TENM4: variants seen among roughly 807,000 people sequenced by gnomAD.
TENM4 encodes the protein teneurin-4.
Under a neutral mutation model 243.3 loss-of-function variants are expected in TENM4, and 82 were observed. That is an observed-to-expected ratio of 0.34 (90% confidence interval 0.28 to 0.40). The LOEUF is 0.40. Among genes scored for constraint, TENM4 ranks in the 10% least tolerant of loss-of-function variants. The pLI is 1.00. For missense variants in TENM4, 3,138 were observed against 3,673.3 expected (o/e 0.85, Z 3.77); for synonymous variants, 1,412 against 1,456.3 (o/e 0.97, Z 0.69).
Position 78,722,833 on chromosome 11 carries a change from C to A in TENM4, c.3635G>T (p.Arg1212Leu). Reference sequence around the variant, plus strand: ...GCAGCTGGGGCAGGAGATGCTTCTCCGGCGCCCATTGCCCATGATGCTCCC... The same window carrying A: ...GCAGCTGGGGCAGGAGATGCTTCTCAGGCGCCCATTGCCCATGATGCTCCC... ...VIGSIMGNGRRRSISCPSCNG... is the reference protein window; with the variant it reads ...VIGSIMGNGRLRSISCPSCNG... Residue 1212 changes from arginine to leucine, a missense_variant, in exon 24 of 34, where the codon CGG (arginine) becomes CTG (leucine). Arg to Leu is a moderately radical substitution (Grantham distance 102). Coordinates refer to ENST00000278550, the MANE Select transcript of TENM4 (RefSeq NM_001098816.3). 3.1e-6 allele frequency: 5 copies of A among 1,614,028 alleles called. 1 individual carries two copies. Among genetic ancestry groups the A allele is most frequent in the Middle Eastern group, 3.3e-4 (2 of 6,062 alleles).
At position 78,774,417 on chromosome 11, in the gene TENM4, G is replaced by C. The variant is rs79152371; in HGVS notation, c.2393-3279C>G. ...GGCTCCGTGAACATGCAGTGCAGTG[G>C]GAGGCGGCATGATGGGTTCAGGGCT... is the stretch of plus-strand genomic sequence containing the variant. On this transcript the variant is annotated intron_variant, in intron 17 of 33. Coordinates refer to ENST00000278550, the MANE Select transcript of TENM4 (RefSeq NM_001098816.3). Among the ~76,000 whole-genome samples, 594 of 152,294 alleles carry C rather than the reference G, an allele frequency of 3.9e-3. 3 individuals carry two copies. Among genetic ancestry groups the C allele is most frequent in the African/African-American group, 0.014 (561 of 41,552 alleles).
At chr11:78,677,872 A>G (rs1417029610) in intron 29 of TENM4, among the ~76,000 whole-genome samples, 1 of 135,862 alleles carries the variant, frequency 7.4e-6, no homozygotes, top group Non-Finnish European at 1.6e-5. Context: ...CGCTGCACCC[A>G]CTAATGTGTC....
At chr11:78,940,757 C>T (rs1856874624) in intron 6 of TENM4, among the ~76,000 whole-genome samples, 1 of 152,188 alleles carries the variant, frequency 6.6e-6, no homozygotes, top group Non-Finnish European at 1.5e-5. Context: ...CTGGGGATGC[C>T]ATGGTGACAG....
At chr11:78,861,070 G>A (rs890183960) in intron 10 of TENM4, among the ~76,000 whole-genome samples, 4 of 152,202 alleles carry the variant, frequency 2.6e-5, no homozygotes, top group African/African-American at 9.6e-5. Context: ...CCAGTTCCTT[G>A]AGGGTTAAGC....
intron 6 of TENM4, among the ~76,000 whole-genome samples, chr11:79,038,299 C>T (rs1381392621): frequency 6.6e-6 from 1 of 152,196 alleles, no homozygotes; most frequent in African/African-American, 2.4e-5. Flanking sequence ...TTAGATGCCT[C>T]CCAGGTGCTT....
intron 1 of TENM4, among the ~76,000 whole-genome samples, chr11:79,355,753 G>A (rs928321970): frequency 3.3e-5 from 5 of 152,140 alleles, no homozygotes; most frequent in African/African-American, 4.8e-5. Flanking sequence ...TTACAGAAGA[G>A]GAAAACTGAG....
chr11:78,704,139 CTA>C (rs1859180737), intron 27 of TENM4, among the ~76,000 whole-genome samples: 1 of 116,444 alleles, frequency 8.6e-6, no homozygotes, highest in Non-Finnish European at 1.8e-5. Context: ...ACGTGTATGT[CTA>C]TGTGTATGTA....
intron 6 of TENM4, among the ~76,000 whole-genome samples, chr11:78,938,948 A>C (rs1856837566): frequency 6.6e-6 from 1 of 152,236 alleles, no homozygotes; most frequent in Non-Finnish European, 1.5e-5. Context: ...AATTGCATGC[A>C]AGACCAAAAG....
intron 12 of TENM4, among the ~76,000 whole-genome samples, chr11:78,828,627 ACTT>A (rs1857910754): frequency 6.6e-6 from 1 of 152,242 alleles, no homozygotes. Flanking sequence ...GCCAAGTTGG[ACTT>A]CTTCTTGACA....
chr11:78,724,090 T>G (rs1412176900), intron 23 of TENM4, among the ~76,000 whole-genome samples: 1 of 151,874 alleles, frequency 6.6e-6, no homozygotes, highest in Non-Finnish European at 1.5e-5. Context: ...CTTTTCTTTC[T>G]TCTTTTTAAT....
chr11:78,740,867 C>T (rs143772052), intron 19 of TENM4, among the ~76,000 whole-genome samples: 7 of 152,316 alleles, frequency 4.6e-5, no homozygotes, highest in South Asian at 2.1e-4. Flanking sequence ...AACATTGAAT[C>T]GGCACCATTT....
At chr11:79,366,146 G>A (rs1049590200) in intron 1 of TENM4, among the ~76,000 whole-genome samples, 1 of 152,114 alleles carries the variant, frequency 6.6e-6, no homozygotes, top group Non-Finnish European at 1.5e-5. Flanking sequence ...TTCTTTCCAC[G>A]AGACCTCCCC....
intron 1 of TENM4, among the ~76,000 whole-genome samples, chr11:79,347,654 A>G (rs1176720773): frequency 1.3e-5 from 2 of 152,080 alleles, no homozygotes; most frequent in Non-Finnish European, 2.9e-5. Context: ...GCTGCTTAGC[A>G]TAGGGACCTA....
intron 4 of TENM4, among the ~76,000 whole-genome samples, chr11:79,081,263 A>G (rs1191127812): frequency 6.6e-6 from 1 of 152,200 alleles, no homozygotes; most frequent in Non-Finnish European, 1.5e-5. Context: ...ATTTAGAGAC[A>G]TCCTTTCTGC....
chr11:79,345,337 T>C (rs534916319), intron 1 of TENM4, among the ~76,000 whole-genome samples: 1 of 152,368 alleles, frequency 6.6e-6, no homozygotes, highest in Non-Finnish European at 1.5e-5. Flanking sequence ...ACAAATGTTA[T>C]GCTTTGCTTA....
At chr11:79,047,450 C>T (rs756879554) in intron 6 of TENM4, among the ~76,000 whole-genome samples, 2 of 152,236 alleles carry the variant, frequency 1.3e-5, no homozygotes, top group Admixed American at 6.5e-5. Flanking sequence ...CACTCGTGCT[C>T]TCTGGGGATG....
intron 6 of TENM4, among the ~76,000 whole-genome samples, chr11:79,042,427 G>T (rs1290168630): frequency 6.6e-6 from 1 of 152,176 alleles, no homozygotes; most frequent in East Asian, 1.9e-4. Flanking sequence ...GGCCAAGAGG[G>T]CTCTTCCCTT....
At chr11:79,343,955 A>C (rs944023513) in intron 1 of TENM4, among the ~76,000 whole-genome samples, 9 of 152,168 alleles carry the variant, frequency 5.9e-5, no homozygotes, top group Non-Finnish European at 1.2e-4. Flanking sequence ...GGGTCTTGGA[A>C]ATCCCAGATA....
chr11:79,017,720 G>A (rs967370970), intron 6 of TENM4, among the ~76,000 whole-genome samples: 1 of 152,124 alleles, frequency 6.6e-6, no homozygotes, highest in African/African-American at 2.4e-5. Flanking sequence ...AAGCAAGCAG[G>A]CAGAAGGCAG....
Sources: allele counts gnomAD v4.1 joint callset (sites outside exome capture counted in the v4.1 genomes callset), GRCh38; gene constraint gnomAD v4.1.1; transcripts MANE v1.5; gene names NCBI Gene and HGNC (gene_info 2026-07-23, HGNC 2026-07-21).